WASF1: variants seen among roughly 807,000 people sequenced by gnomAD.
WASF1 encodes the protein WASP family member 1.
A neutral mutation model predicts 50.5 loss-of-function variants in WASF1; 7 were observed. The observed-to-expected ratio is 0.14, with a 90% confidence interval of 0.08 to 0.26. The LOEUF (loss-of-function observed/expected upper bound fraction) is 0.26, where lower values mean the gene tolerates loss of function less well. WASF1 is among the 10% of genes least tolerant of loss of function. The pLI, the probability that WASF1 is intolerant of heterozygous loss-of-function variation, is 1.00. For missense variants in WASF1, 470 were observed against 694.7 expected, an observed-to-expected ratio of 0.68 and a Z score of 3.64; for synonymous variants, 205 against 244.0, an observed-to-expected ratio of 0.84 and a Z score of 1.49.
intron 3 of WASF1, among the ~76,000 whole-genome samples, chr6:110,133,297 T>C (rs958341249): frequency 1.3e-5 from 2 of 151,852 alleles, no homozygotes; most frequent in Admixed American, 6.5e-5. Context: ...TGTGCTGCTA[T>C]AAACATGCAA....
At chr6:110,122,734 C>G (rs537691701) in intron 4 of WASF1, among the ~76,000 whole-genome samples, 1 of 152,058 alleles carries the variant, frequency 6.6e-6, no homozygotes, top group Non-Finnish European at 1.5e-5. Context: ...TACTACTACA[C>G]ATACAACATA....
chr6:110,141,427 G>A (rs559214584), intron 3 of WASF1, among the ~76,000 whole-genome samples: 1 of 152,200 alleles, frequency 6.6e-6, no homozygotes, highest in Non-Finnish European at 1.5e-5. Context: ...CTAGACTCAG[G>A]CAGCAACTCT....
intron 3 of WASF1, among the ~76,000 whole-genome samples, chr6:110,151,765 T>C (rs1229739313): frequency 6.6e-6 from 1 of 152,140 alleles, no homozygotes; most frequent in Non-Finnish European, 1.5e-5. Context: ...ACATCATAGA[T>C]GAAAGAAAAT....
At chr6:110,120,256 G>C (rs1008311183) in intron 4 of WASF1, among the ~76,000 whole-genome samples, 2 of 152,140 alleles carry the variant, frequency 1.3e-5, no homozygotes, top group Admixed American at 6.5e-5. Flanking sequence ...ATTGTCTCTT[G>C]TTTTCAGATG....
chr6:110,174,029 A>G lies in WASF1; in HGVS notation c.-127+4569T>C, dbSNP rs557241426. Among the ~76,000 whole-genome samples the G allele has an allele frequency of 7.2e-5, 11 of 152,274 alleles. No homozygotes were observed. The South Asian group carries it at 2.3e-3, about 32-fold the overall frequency. On this transcript the variant is annotated intron_variant, in intron 2 of 10. Coordinates refer to ENST00000392589, the MANE Select transcript of WASF1 (RefSeq NM_003931.3). ...TTAAAACTCTTCATGGCCTTCCCCA[A>G]TAGACTTAAAATCCTTAACCTCGTT...
intron 2 of WASF1, among the ~76,000 whole-genome samples, chr6:110,170,082 C>A (rs896761845): frequency 6.6e-6 from 1 of 151,982 alleles, no homozygotes; most frequent in Non-Finnish European, 1.5e-5. Context: ...GGTAATCATA[C>A]AAAAAGAGAG....
intron 4 of WASF1, among the ~76,000 whole-genome samples, chr6:110,118,997 A>G (rs1773951335): frequency 6.6e-6 from 1 of 152,252 alleles, no homozygotes; most frequent in Admixed American, 6.5e-5. Context: ...GAAACCAATG[A>G]GAACAAAGAC....
chr6:110,167,165 A>G (rs529883425), intron 2 of WASF1, among the ~76,000 whole-genome samples: 13 of 151,988 alleles, frequency 8.6e-5, no homozygotes, highest in African/African-American at 3.1e-4. Flanking sequence ...CTGGAAAAAA[A>G]AACCCTACTG....
intron 3 of WASF1, among the ~76,000 whole-genome samples, chr6:110,144,812 GTCTA>G (rs1775461545): frequency 6.6e-6 from 1 of 152,058 alleles, no homozygotes; most frequent in Non-Finnish European, 1.5e-5. Context: ...TGTTCCATTG[GTCTA>G]TCTCTCTGTT....
At chr6:110,136,704 T>G (rs762854698) in intron 3 of WASF1, among the ~76,000 whole-genome samples, 26 of 152,224 alleles carry the variant, frequency 1.7e-4, no homozygotes, top group Non-Finnish European at 3.1e-4. Context: ...TATCTTTGTT[T>G]TAAACATGTC....
chr6:110,164,628 AAG>A (rs1776396965), intron 2 of WASF1, among the ~76,000 whole-genome samples: 1 of 151,674 alleles, frequency 6.6e-6, no homozygotes, highest in African/African-American at 2.4e-5. Context: ...GCATAATTGG[AAG>A]ACAGTTTGGC....
chr6:110,101,487 C>T, intron 10 of WASF1, 101 bp downstream of exon 10: 1 of 1,450,102 alleles, frequency 6.9e-7, no homozygotes, highest in Non-Finnish European at 9.2e-7. Flanking sequence ...CAAACATGAT[C>T]ACCTAAAATT....
intron 3 of WASF1, among the ~76,000 whole-genome samples, chr6:110,135,386 T>C (rs1774900682): frequency 6.6e-6 from 1 of 152,202 alleles, no homozygotes; most frequent in Non-Finnish European, 1.5e-5. Flanking sequence ...TGGCTAGGAC[T>C]AACAAAGTTC....
rs1160814347 is a variant in WASF1 at position 110,108,456 on chromosome 6, T to A, written c.422+72A>T. On this transcript the variant is annotated intron_variant, in intron 6 of 10. Coordinates refer to ENST00000392589, the MANE Select transcript of WASF1 (RefSeq NM_003931.3). Reference sequence around the variant, plus strand: ...GCTAGAACCCCAATGAAATAAAGAATGTTTGGGGATTTAGCATTTCAATCT... The same window carrying A: ...GCTAGAACCCCAATGAAATAAAGAAAGTTTGGGGATTTAGCATTTCAATCT... The A allele has an allele frequency of 5.5e-6, 8 of 1,445,208 alleles. No individual in the cohort carries two copies. The African/African-American group carries it at 8.5e-5, about 15-fold the overall frequency. The allele number at this position is 1,445,208 out of a possible 1,614,324, so 89.5% of individuals were successfully genotyped here. A position where few individuals can be genotyped will look rare whatever the true frequency, so the allele number is the denominator to read the frequency against.
At position 110,099,955 on chromosome 6, in the gene WASF1, T is replaced by C. The variant is rs1308436246; in HGVS notation, c.*567A>G. 6.6e-6 allele frequency: 1 copy of C among 152,518 alleles called. No homozygotes were observed. The highest frequency in any genetic ancestry group is 1.5e-5 in the Non-Finnish European group (1 of 67,998). The allele number at this position is 152,518 out of a possible 1,614,324, so 9.4% of individuals were successfully genotyped here. A position where few individuals can be genotyped will look rare whatever the true frequency, so the allele number is the denominator to read the frequency against. ...AGGCAAGCAAAATCATATCACACAA[T>C]ATATAAGTGGGAAGGGGATACTGCT... On this transcript the variant is annotated 3_prime_UTR_variant, in exon 11 of 11. Transcript: ENST00000392589.
chr6:110,133,401 A>G (rs1774789108), intron 3 of WASF1, among the ~76,000 whole-genome samples: 1 of 152,168 alleles, frequency 6.6e-6, no homozygotes, highest in Non-Finnish European at 1.5e-5. Context: ...CTGGGTAGAT[A>G]TCCAATAGTG....
chr6:110,122,822 G>T (rs553666665), intron 4 of WASF1, among the ~76,000 whole-genome samples: 102 of 152,020 alleles, frequency 6.7e-4, no homozygotes, highest in African/African-American at 2.4e-3. Context: ...GTTAAGTTTT[G>T]GGGGAGTCAA....
At chr6:110,130,374 T>C (rs1380373969) in intron 3 of WASF1, among the ~76,000 whole-genome samples, 1 of 152,224 alleles carries the variant, frequency 6.6e-6, no homozygotes, top group Non-Finnish European at 1.5e-5. Context: ...CCTTTATTCT[T>C]TTTATAATAA....
intron 3 of WASF1, among the ~76,000 whole-genome samples, chr6:110,145,988 G>A (rs1311170008): frequency 2.3e-4 from 30 of 132,502 alleles, no homozygotes; most frequent in African/African-American, 6.8e-4. Context: ...GTTGTGGGGT[G>A]GGGGGAGGGG....
Sources: allele counts gnomAD v4.1 joint callset (sites outside exome capture counted in the v4.1 genomes callset), GRCh38; gene constraint gnomAD v4.1.1; transcripts MANE v1.5; gene names NCBI Gene and HGNC (gene_info 2026-07-23, HGNC 2026-07-21).